Variants in DOCK7 observed in about 807,000 individuals in gnomAD.
DOCK7 encodes the protein dedicator of cytokinesis 7.
A neutral mutation model predicts 271.0 loss-of-function variants in DOCK7; 138 were observed. The observed-to-expected ratio is 0.51, with a 90% CI of 0.44 to 0.59. The LOEUF (loss-of-function observed/expected upper bound fraction) is 0.59, where lower values mean the gene tolerates loss of function less well. Among genes scored for constraint, DOCK7 ranks in the 20% least tolerant of loss-of-function variants. DOCK7 has a pLI of 0.00. For synonymous variants in DOCK7, 823 were observed against 876.1 expected, an observed-to-expected ratio of 0.94 and a Z score of 1.07; for missense variants, 2,066 against 2,592.4, an observed-to-expected ratio of 0.80 and a Z score of 4.41.
intron 7 of DOCK7, among the ~76,000 whole-genome samples, chr1:62,643,524 T>C: frequency 6.6e-6 from 1 of 152,318 alleles, no homozygotes; most frequent in East Asian, 1.9e-4. Context: ...AGGATCTCTT[T>C]TTCTCTCTGG....
intron 1 of DOCK7, among the ~76,000 whole-genome samples, chr1:62,678,398 T>C (rs907638733): frequency 7.2e-5 from 11 of 152,316 alleles, no homozygotes; most frequent in Non-Finnish European, 1.5e-4. Context: ...AAGGTATAGC[T>C]GGATACAAAA....
chr1:62,642,724 T>G (rs1656189763), intron 7 of DOCK7, among the ~76,000 whole-genome samples: 1 of 152,200 alleles, frequency 6.6e-6, no homozygotes, highest in Non-Finnish European at 1.5e-5. Context: ...TTTATCTTTA[T>G]GTTTTTCAAT....
chr1:62,461,479 G>C lies in DOCK7; in HGVS notation c.6213-3774C>G, dbSNP rs565275912. On this transcript the variant is annotated intron_variant, in intron 48 of 49. Transcript: ENST00000635253. ...GAGGACTGCTGGAGCCCAGGAGTGAGAGACCAGCCTGGGCAACATAGTGAG... is the reference window on the plus strand; with the variant it reads ...GAGGACTGCTGGAGCCCAGGAGTGACAGACCAGCCTGGGCAACATAGTGAG... Among the ~76,000 whole-genome samples the C allele has an allele frequency of 1.8e-3, 269 of 151,972 alleles. 1 individual carries two copies. Among genetic ancestry groups the C allele is most frequent in the African/African-American group, 6.3e-3 (261 of 41,460 alleles).
At chr1:62,639,426 CTTTTTTTTTT>C (rs386367151) in intron 7 of DOCK7, among the ~76,000 whole-genome samples, 3 of 75,880 alleles carry the variant, frequency 4.0e-5, no homozygotes, top group African/African-American at 5.9e-5. Flanking sequence ...TTGTAATACT[CTTTTTTTTTT>C]TTTTTTTTTT....
intron 14 of DOCK7, among the ~76,000 whole-genome samples, chr1:62,595,832 G>C (rs1372858279): frequency 6.6e-6 from 1 of 152,120 alleles, no homozygotes; most frequent in Admixed American, 6.5e-5. Context: ...GGGAGACAGA[G>C]GGAGGAGGCT....
At chr1:62,674,843 T>A (rs1044644092) in intron 1 of DOCK7, among the ~76,000 whole-genome samples, 1 of 151,972 alleles carries the variant, frequency 6.6e-6, no homozygotes, top group Non-Finnish European at 1.5e-5. Context: ...ACTAAAACTA[T>A]CAAATTTTTA....
chr1:62,507,974 C>A lies in DOCK7; in HGVS notation c.4464G>T (p.Glu1488Asp). The stretch of plus-strand genomic sequence containing the variant: ...TTTGCATTCTTACCTGAACAACAAT[C>A]TCTAATGTATCTAAAATGATTAGGT... The part of the protein sequence containing the change: ...EANLIILDTL[E>D]IVVQTVSVTE... The change falls in exon 35 of 50, where the codon GAG becomes GAT. Residue 1488 changes from glutamate to aspartate, a missense_variant. By Grantham distance (45) the Glu-to-Asp change is conservative (BLOSUM62 2). Coordinates refer to ENST00000635253, the MANE Select transcript of DOCK7 (RefSeq NM_001367561.1). 1.9e-6 allele frequency: 3 copies of A among 1,611,450 alleles called. No homozygotes were observed. The highest frequency in any genetic ancestry group is 2.5e-6 in the Non-Finnish European group (3 of 1,179,374).
In DOCK7 at chr1:62,637,815, A is replaced by G. The variant is rs147080800; in HGVS notation, c.819-1212T>C. On this transcript the variant is annotated intron_variant, in intron 7 of 49. Coordinates refer to ENST00000635253, the MANE Select transcript of DOCK7 (RefSeq NM_001367561.1). ...GAGAACATGGAAGTAATAACCAAAAATTAGAAAAGATAGCTATACCGAAGG... is the reference window on the plus strand; with the variant it reads ...GAGAACATGGAAGTAATAACCAAAAGTTAGAAAAGATAGCTATACCGAAGG... 3.7e-3 allele frequency among the ~76,000 whole-genome samples: 571 copies of G among 152,312 alleles called. 6 individuals carry two copies. Among genetic ancestry groups the G allele is most frequent in the African/African-American group, 0.012 (519 of 41,564 alleles).
chr1:62,493,223 T>C (rs1048589006), intron 40 of DOCK7, among the ~76,000 whole-genome samples: 2 of 152,208 alleles, frequency 1.3e-5, no homozygotes, highest in East Asian at 3.8e-4. Flanking sequence ...TCTCTTGACT[T>C]ATCTAATGTA....
chr1:62,467,304 G>T (rs1301444905), intron 48 of DOCK7, among the ~76,000 whole-genome samples: 1 of 152,186 alleles, frequency 6.6e-6, no homozygotes, highest in African/African-American at 2.4e-5. Flanking sequence ...AGAGTGAAGG[G>T]TTTCAAGATA....
chr1:62,504,737 A>C lies in DOCK7; in HGVS notation c.4657T>G (p.Leu1553Val). ...CAGTGTCGGAGAAGCCTGAGGCATA[A>C]ATCAGCACACTGCTCTGTCTCTTCT... ...FEEETEQCAD[L>V]CLRLLRHCSS... Residue 1553 changes from leucine (L) to valine (V), a missense_variant, in exon 37 of 50, where the codon TTA (leucine) becomes GTA (valine). By Grantham distance (32) the Leu-to-Val change is conservative. Around this residue, in one of 2 missense-constraint regions of DOCK7, gnomAD observed 652 missense variants for 922.1 expected, o/e 0.71. Coordinates refer to ENST00000635253, the MANE Select transcript of DOCK7 (RefSeq NM_001367561.1). 1 of 1,614,146 alleles carries C rather than the reference A, an allele frequency of 6.2e-7. No homozygotes were observed. Among genetic ancestry groups the C allele is most frequent in the Non-Finnish European group, 8.5e-7 (1 of 1,180,026 alleles).
At chr1:62,576,804 T>TAC (rs945376955) in intron 18 of DOCK7, among the ~76,000 whole-genome samples, 31 of 152,346 alleles carry the variant, frequency 2.0e-4, no homozygotes, top group African/African-American at 7.0e-4. Context: ...TCTCATGTAT[T>TAC]ACAGGTTCAC....
chr1:62,600,867 C>T (rs775908566), intron 14 of DOCK7, among the ~76,000 whole-genome samples: 1 of 151,624 alleles, frequency 6.6e-6, no homozygotes, highest in Non-Finnish European at 1.5e-5. Flanking sequence ...TTTTGCCTTG[C>T]TTTATTTTTT....
At chr1:62,487,470 A>G in intron 42 of DOCK7, 58 bp from the exon 43 acceptor site, 1 of 1,482,384 alleles carries the variant, frequency 6.7e-7, no homozygotes, top group Non-Finnish European at 9.4e-7. Flanking sequence ...AAAGAACAAA[A>G]AAGGCCAAAG....
At chr1:62,543,771 C>T (rs753559305) in intron 23 of DOCK7, 26 bp from the exon 24 acceptor site, 11 of 1,529,222 alleles carry the variant, frequency 7.2e-6, no homozygotes, top group East Asian at 2.3e-5. Context: ...GAATGAATGA[C>T]GAGATAACAT....
chr1:62,553,310 TTTTATATATATA>T (rs1264366625), intron 21 of DOCK7, among the ~76,000 whole-genome samples: 5 of 8,164 alleles, frequency 6.1e-4, no homozygotes, highest in African/African-American at 1.6e-3. Context: ...ATAAAAAGTA[TTTTATATATATA>T]TATATATATA....
intron 2 of DOCK7, among the ~76,000 whole-genome samples, chr1:62,658,942 G>C (rs1658341512): frequency 6.7e-6 from 1 of 148,826 alleles, no homozygotes; most frequent in African/African-American, 2.5e-5. Context: ...GACAGAGTGA[G>C]ACCCCTGTCT....
intron 43 of DOCK7, chr1:62,485,060 G>A (rs1372342874): frequency 1.3e-6 from 1 of 746,606 alleles, no homozygotes; most frequent in Non-Finnish European, 1.6e-6. Flanking sequence ...CCTGAACTCA[G>A]GAGGTGTCAA....
chr1:62,682,193 T>C (rs141778660), intron 1 of DOCK7, among the ~76,000 whole-genome samples: 285 of 152,298 alleles, frequency 1.9e-3, no homozygotes, highest in South Asian at 9.8e-3. Context: ...CAGTTAACCT[T>C]AAAATCCAAG....
Sources: gnomAD v4.1 joint callset for allele counts (sites outside exome capture counted in the v4.1 genomes callset) on GRCh38, gnomAD v4.1.1 for gene constraint, gnomAD v4.1.1 regional missense constraint, MANE v1.5 for transcripts, NCBI Gene and HGNC (gene_info 2026-07-23, HGNC 2026-07-21) for gene names.